The following CADPS variants were observed in gnomAD, a reference collection of about 807,000 sequenced individuals.
CADPS encodes calcium dependent secretion activator.
CADPS carries 57 observed loss-of-function variants against 167.3 expected under a neutral mutation model. That is an observed-to-expected ratio of 0.34 (90% CI 0.28 to 0.42). The LOEUF is 0.42. CADPS is among the 20% of genes least tolerant of loss of function. The pLI, the probability that CADPS is intolerant of heterozygous loss-of-function variation, is 1.00. For synonymous variants in CADPS, 676 were observed against 635.3 expected, an observed-to-expected ratio of 1.06 and a Z score of -0.96; for missense variants, 1,414 against 1,738.1, an observed-to-expected ratio of 0.81 and a Z score of 3.32.
rs11353455 is a variant in CADPS, at chr3:62,417,276, C to CTTTTTTTTTTTTTTTTTTTTTTTTTTTTT, written c.3778-14092_3778-14091insAAAAAAAAAAAAAAAAAAAAAAAAAAAAA. ...ACACAATAACTATTTTTCTTTTACT[C>CTTTTTTTTTTTTTTTTTTTTTTTTTTTTT]TTTTTTTTTTTTTTTTTTTTTTTTT... On this transcript the variant is annotated intron_variant, in intron 28 of 29. Transcript: ENST00000383710. Among the ~76,000 whole-genome samples, 14 of 64,044 alleles carry CTTTTTTTTTTTTTTTTTTTTTTTTTTTTT rather than the reference C, an allele frequency of 2.2e-4. 7 individuals carry two copies. Among genetic ancestry groups the CTTTTTTTTTTTTTTTTTTTTTTTTTTTTT allele is most frequent in the African/African-American group, 5.8e-4 (10 of 17,372 alleles). 42.0% of individuals were successfully genotyped at this position (64,044 alleles called of 152,430 possible). A position where few individuals can be genotyped will look rare whatever the true frequency, so the allele number is the denominator to read the frequency against.
chr3:62,493,543 C>A, intron 19 of CADPS, 102 bp downstream of exon 19: 1 of 841,542 alleles, frequency 1.2e-6, no homozygotes, highest in Non-Finnish European at 1.9e-6. Context: ...AATGGCCAAG[C>A]TCTTCTGTGA....
Position 62,510,175 on chromosome 3 carries a change from CACCT to C in CADPS, c.2599+2572_2599+2575del, listed in dbSNP as rs1454730250. ...TCTCCTCTCTCCTCTCCTTTCCTCCCACCTACCTATTTCTGCATCTATCTATCTA... is the reference window on the plus strand; with the variant it reads ...TCTCCTCTCTCCTCTCCTTTCCTCCCACCTATTTCTGCATCTATCTATCTA... On this transcript the variant is annotated intron_variant, in intron 17 of 29. Coordinates refer to ENST00000383710, the MANE Select transcript of CADPS (RefSeq NM_003716.4). 3.3e-5 allele frequency among the ~76,000 whole-genome samples: 4 copies of C among 120,720 alleles called. No homozygotes were observed. In the Admixed American group the frequency reaches 3.5e-4, roughly 10 times the overall value. 79.2% of individuals were successfully genotyped at this position (120,720 alleles called of 152,430 possible).
intron 26 of CADPS, among the ~76,000 whole-genome samples, chr3:62,464,578 T>C (rs925905331): frequency 5.3e-5 from 8 of 152,308 alleles, no homozygotes; most frequent in Admixed American, 2.0e-4. Context: ...ACCATCTTCA[T>C]TGATCATTTA....
At chr3:62,744,473 G>T (rs1049128314) in intron 3 of CADPS, among the ~76,000 whole-genome samples, 3 of 152,086 alleles carry the variant, frequency 2.0e-5, no homozygotes, top group African/African-American at 7.2e-5. Flanking sequence ...GAAACAAAAA[G>T]GCTGCATGTT....
chr3:62,656,179 C>T (rs1231491608), intron 4 of CADPS, among the ~76,000 whole-genome samples: 3 of 152,154 alleles, frequency 2.0e-5, no homozygotes, highest in African/African-American at 7.2e-5. Context: ...CCTCTCTTTA[C>T]ACACATACAC....
intron 3 of CADPS, among the ~76,000 whole-genome samples, chr3:62,747,670 A>C (rs1269330697): frequency 6.6e-6 from 1 of 152,242 alleles, no homozygotes; most frequent in Non-Finnish European, 1.5e-5. Context: ...AAAGGTGTTT[A>C]TAAATTGAGA....
chr3:62,505,800 C>G (rs1314579261), intron 17 of CADPS, among the ~76,000 whole-genome samples: 2 of 152,156 alleles, frequency 1.3e-5, no homozygotes, highest in Non-Finnish European at 2.9e-5. Context: ...TTGTCTATCT[C>G]CCTGTCTGCC....
At chr3:62,584,884 G>T (rs1001007780) in intron 8 of CADPS, among the ~76,000 whole-genome samples, 1 of 152,172 alleles carries the variant, frequency 6.6e-6, no homozygotes, top group Non-Finnish European at 1.5e-5. Context: ...GGTACGCGGA[G>T]CCTGTAAGAC....
intron 1 of CADPS, among the ~76,000 whole-genome samples, chr3:62,826,874 A>T (rs888907154): frequency 9.2e-5 from 14 of 152,170 alleles, no homozygotes; most frequent in Admixed American, 4.6e-4. Context: ...AAAGGGGTGG[A>T]CAGGTTGTGG....
intron 6 of CADPS, among the ~76,000 whole-genome samples, chr3:62,612,618 A>T (rs2061656470): frequency 6.6e-6 from 1 of 152,228 alleles, no homozygotes; most frequent in Admixed American, 6.5e-5. Flanking sequence ...TATGTCTATA[A>T]TGGAGATGAG....
intron 3 of CADPS, among the ~76,000 whole-genome samples, chr3:62,666,059 T>C (rs1320090043): frequency 6.6e-6 from 1 of 152,188 alleles, no homozygotes; most frequent in East Asian, 1.9e-4. Flanking sequence ...TGTCCCTCAC[T>C]GGCGTGAATG....
chr3:62,645,345 G>A (rs1040308178), intron 6 of CADPS, among the ~76,000 whole-genome samples: 1 of 152,014 alleles, frequency 6.6e-6, no homozygotes, highest in Non-Finnish European at 1.5e-5. Flanking sequence ...AAAATATATG[G>A]AAATGAAAAC....
intron 20 of CADPS, 90 bp downstream of exon 20, chr3:62,492,200 G>T: frequency 3.7e-6 from 4 of 1,087,046 alleles, no homozygotes; most frequent in Non-Finnish European, 5.5e-6. Flanking sequence ...GCTATGTCAA[G>T]CCTGTAGTCT....
At chr3:62,847,435 C>T (rs867394700) in intron 1 of CADPS, among the ~76,000 whole-genome samples, 1 of 94,136 alleles carries the variant, frequency 1.1e-5, no homozygotes, top group Non-Finnish European at 2.1e-5. Flanking sequence ...CCCCTCCCCC[C>T]ACCCCACCAC....
chr3:62,536,827 C>T (rs2074778016), intron 11 of CADPS, among the ~76,000 whole-genome samples: 1 of 152,132 alleles, frequency 6.6e-6, no homozygotes, highest in Admixed American at 6.6e-5. Context: ...GATCACATTT[C>T]CAGTGCATTT....
At chr3:62,554,957 T>C (rs1282657137) in intron 10 of CADPS, among the ~76,000 whole-genome samples, 2 of 152,172 alleles carry the variant, frequency 1.3e-5, no homozygotes, top group East Asian at 1.9e-4. Flanking sequence ...TTCACCATGT[T>C]GGCCAGGCTG....
At chr3:62,430,168 T>C (rs1202076533) in intron 28 of CADPS, among the ~76,000 whole-genome samples, 2 of 152,208 alleles carry the variant, frequency 1.3e-5, no homozygotes, top group East Asian at 1.9e-4. Context: ...TTATCTTTTT[T>C]TGTATGCAGG....
chr3:62,652,938 T>G (rs1176467191), intron 4 of CADPS, among the ~76,000 whole-genome samples: 1 of 152,148 alleles, frequency 6.6e-6, no homozygotes, highest in Non-Finnish European at 1.5e-5. Flanking sequence ...GGAGAGTGCT[T>G]CTTCTCCATA....
At chr3:62,400,205 G>T (rs1353345184) in intron 29 of CADPS, among the ~76,000 whole-genome samples, 1 of 152,180 alleles carries the variant, frequency 6.6e-6, no homozygotes, top group Non-Finnish European at 1.5e-5. Context: ...GGAAAGAACT[G>T]TATCTATTCT....
Sources: gnomAD v4.1 joint callset for allele counts (sites outside exome capture counted in the v4.1 genomes callset) on GRCh38, gnomAD v4.1.1 for gene constraint, MANE v1.5 for transcripts, NCBI Gene and HGNC (gene_info 2026-07-23, HGNC 2026-07-21) for gene names.